Variants in CREB3 observed in about 807,000 individuals in gnomAD.
CREB3 encodes cyclic AMP-responsive element-binding protein 3.
In CREB3, 29 loss-of-function variants were observed where a neutral mutation model predicts 34.5. That is an observed-to-expected ratio of 0.84 (90% CI 0.63 to 1.15). The LOEUF is 1.15. CREB3 is among the 50% of genes most tolerant of loss of function. CREB3 has a pLI of 0.00. For synonymous variants in CREB3, 187 were observed against 173.9 expected (o/e 1.08, Z -0.59); for missense variants, 447 against 443.4 (o/e 1.01, Z -0.07).
rs976696491 is a variant in CREB3, at chr9:35,732,748, C to T, written c.-25C>T. On this transcript the variant is annotated 5_prime_UTR_variant, in exon 1 of 9. Coordinates refer to ENST00000353704, the MANE Select transcript of CREB3 (RefSeq NM_006368.5). The surrounding 1 kb of genome is among the most constrained non-coding windows in gnomAD (Gnocchi z 5.1). ...GGCTTCGGACGTTGGGGCCCGGTGG[C>T]CCACCCTTTCCGTAGTTGTCCCAAA... The T allele has an allele frequency of 6.3e-7, 1 of 1,594,768 alleles. No individual in the cohort carries two copies. Among genetic ancestry groups the T allele is most frequent in the Non-Finnish European group, 8.5e-7 (1 of 1,170,114 alleles).
Position 35,732,897 on chromosome 9 carries a change from C to G in CREB3, c.125C>G (p.Ser42Cys). ...CCACTGGACTGGGCGCTGCCGCTTT[C>G]TGAGGTAGGTTGGGGTTCTGACTGG... is the stretch of plus-strand genomic sequence containing the variant. Reference protein sequence around the residue: ...RAPLDWALPLSEVPSDWEVDD... With the variant: ...RAPLDWALPLCEVPSDWEVDD... The change falls in exon 1 of 9, where the codon TCT (serine) becomes TGT (cysteine). Residue 42 changes from serine (S) to cysteine (C), a missense_variant. Transcript: ENST00000353704. This position sits in a 1 kb window ranked among gnomAD's most constrained non-coding sequence, Gnocchi z 5.1. 1 of 1,613,684 alleles carries G rather than the reference C, an allele frequency of 6.2e-7. No homozygotes were observed. Among genetic ancestry groups the G allele is most frequent in the Non-Finnish European group, 8.5e-7 (1 of 1,179,770 alleles).
Sources: gnomAD v4.1 joint callset for allele counts on GRCh38, gnomAD v4.1.1 for gene constraint, Gnocchi (gnomAD v3.1) non-coding constraint, MANE v1.5 for transcripts, NCBI Gene and HGNC (gene_info 2026-07-23, HGNC 2026-07-21) for gene names.